The following CHST8 variants were observed in gnomAD, a reference collection of about 807,000 sequenced individuals.
CHST8 encodes carbohydrate sulfotransferase 8.
CHST8 carries 10 observed loss-of-function variants against 15.0 expected under a neutral mutation model. The observed-to-expected ratio is 0.67, with a 90% CI of 0.41 to 1.13. The LOEUF (loss-of-function observed/expected upper bound fraction) is 1.13. CHST8 is among the 50% of genes most tolerant of loss of function. The pLI, the probability that CHST8 is intolerant of heterozygous loss-of-function variation, is 0.00. For synonymous variants in CHST8, 259 were observed against 256.6 expected, an observed-to-expected ratio of 1.01 and a Z score of -0.09; for missense variants, 634 against 608.2, an observed-to-expected ratio of 1.04 and a Z score of -0.45.
chr19:33,741,359 C>T (rs1407728184), intron 3 of CHST8, among the ~76,000 whole-genome samples: 1 of 152,178 alleles, frequency 6.6e-6, no homozygotes, highest in Non-Finnish European at 1.5e-5. Context: ...TATATTATGA[C>T]AAAGAAGAGT....
chr19:33,625,399 C>G (rs977351434), intron 1 of CHST8, among the ~76,000 whole-genome samples: 4 of 151,920 alleles, frequency 2.6e-5, no homozygotes, highest in Non-Finnish European at 5.9e-5. Context: ...CTTTAGTGAG[C>G]AACCGTGGCA....
chr19:33,638,074 T>G (rs1972228679), intron 1 of CHST8, among the ~76,000 whole-genome samples: 1 of 152,096 alleles, frequency 6.6e-6, no homozygotes, highest in Non-Finnish European at 1.5e-5. Context: ...GGATCTTCCC[T>G]GCATAGCTCT....
intron 3 of CHST8, among the ~76,000 whole-genome samples, chr19:33,743,641 G>T (rs1156274701): frequency 6.6e-6 from 1 of 151,922 alleles, no homozygotes; most frequent in South Asian, 2.1e-4. Context: ...TTGAGTGTGG[G>T]CATTGCTTTC....
chr19:33,637,973 A>G (rs909279736), intron 1 of CHST8, among the ~76,000 whole-genome samples: 1 of 151,824 alleles, frequency 6.6e-6, no homozygotes, highest in Admixed American at 6.6e-5. Flanking sequence ...GCTGCCCTAA[A>G]AGGAAATAAA....
Position 33,772,255 on chromosome 19 carries a change from G to A in CHST8, c.467G>A (p.Arg156His). ...WVSLHRSQQE[R>H]KRVMQEACAK... ...AGCCTGCACCGGAGCCAGCAGGAGC[G>A]CAAGCGGGTGATGCAGGAGGCCTGC... The change falls in exon 5 of 5, where the codon CGC (arginine) becomes CAC (histidine). Residue 156 changes from arginine to histidine, a missense_variant. By Grantham distance (29) the Arg-to-His change is conservative. Coordinates refer to ENST00000650847, the MANE Select transcript of CHST8 (RefSeq NM_001127895.2). The A allele has an allele frequency of 6.3e-7, 1 of 1,599,416 alleles. No individual in the cohort carries two copies. The highest frequency in any genetic ancestry group is 1.1e-5 in the South Asian group (1 of 90,652).
At chr19:33,674,726 C>T (rs1009540568) in intron 2 of CHST8, among the ~76,000 whole-genome samples, 1 of 152,130 alleles carries the variant, frequency 6.6e-6, no homozygotes, top group Non-Finnish European at 1.5e-5. Context: ...AACCACAGGC[C>T]ACCCTCCCAC....
chr19:33,768,014 C>G (rs949760814), intron 3 of CHST8, among the ~76,000 whole-genome samples: 1 of 152,206 alleles, frequency 6.6e-6, no homozygotes, highest in Non-Finnish European at 1.5e-5. Context: ...TCCTCATCCT[C>G]GTGAGCCCTT....
intron 1 of CHST8, among the ~76,000 whole-genome samples, chr19:33,634,903 G>C (rs1343452650): frequency 6.6e-6 from 1 of 151,982 alleles, no homozygotes; most frequent in African/African-American, 2.4e-5. Context: ...CTCGCTGGGG[G>C]GTGTCCCATG....
At chr19:33,748,877 C>G (rs994373687) in intron 3 of CHST8, among the ~76,000 whole-genome samples, 7 of 152,146 alleles carry the variant, frequency 4.6e-5, no homozygotes, top group African/African-American at 1.7e-4. Flanking sequence ...AAGTGTGTGA[C>G]AGGCCTTGGA....
At chr19:33,757,544 GAA>G (rs1568358945) in intron 3 of CHST8, among the ~76,000 whole-genome samples, 1 of 105,296 alleles carries the variant, frequency 9.5e-6, no homozygotes, top group Admixed American at 9.4e-5. Context: ...AAGAAAGAAA[GAA>G]AGAAAGAAAG....
intron 1 of CHST8, among the ~76,000 whole-genome samples, chr19:33,649,546 G>C (rs1972406475): frequency 1.3e-5 from 2 of 152,178 alleles, no homozygotes; most frequent in Admixed American, 6.5e-5. Context: ...GCAAGTTACA[G>C]GAAGAACTAT....
chr19:33,763,033 T>C (rs943846766), intron 3 of CHST8, among the ~76,000 whole-genome samples: 6 of 152,126 alleles, frequency 3.9e-5, no homozygotes, highest in African/African-American at 1.4e-4. Flanking sequence ...CATGCCTGGC[T>C]AATTTTTGTA....
chr19:33,675,488 TTC>T, intron 2 of CHST8, among the ~76,000 whole-genome samples: 1 of 152,314 alleles, frequency 6.6e-6, no homozygotes, highest in Middle Eastern at 3.4e-3. Context: ...GAGCTGGGTT[TTC>T]TGTTTCTCGC....
At chr19:33,739,960 A>G (rs1429274188) in intron 3 of CHST8, among the ~76,000 whole-genome samples, 1 of 152,142 alleles carries the variant, frequency 6.6e-6, no homozygotes, top group Non-Finnish European at 1.5e-5. Context: ...GTCAGAGGAG[A>G]GCAGCTCTCA....
intron 3 of CHST8, among the ~76,000 whole-genome samples, chr19:33,762,386 A>T (rs777794203): frequency 4.6e-5 from 7 of 152,074 alleles, no homozygotes; most frequent in Non-Finnish European, 1.0e-4. Context: ...CTGATGCTCG[A>T]CTCTCTGACA....
chr19:33,683,213 G>A (rs1417330156), intron 2 of CHST8, among the ~76,000 whole-genome samples: 3 of 152,236 alleles, frequency 2.0e-5, no homozygotes, highest in Non-Finnish European at 4.4e-5. Flanking sequence ...ATGAGATTTG[G>A]AGGGGACACA....
chr19:33,697,005 G>T (rs1263856937), intron 3 of CHST8, among the ~76,000 whole-genome samples: 1 of 151,614 alleles, frequency 6.6e-6, no homozygotes, highest in African/African-American at 2.4e-5. Flanking sequence ...ACCATGCCTG[G>T]CTAAATTTTT....
chr19:33,763,358 G>T (rs1974773580), intron 3 of CHST8, among the ~76,000 whole-genome samples: 1 of 152,208 alleles, frequency 6.6e-6, no homozygotes, highest in South Asian at 2.1e-4. Flanking sequence ...AGCTGGAGGA[G>T]AGAGGCCAAT....
intron 1 of CHST8, among the ~76,000 whole-genome samples, chr19:33,626,728 C>T (rs1188758618): frequency 1.3e-5 from 2 of 151,868 alleles, no homozygotes; most frequent in Non-Finnish European, 2.9e-5. Context: ...ATGCAGGTGC[C>T]ATGCTTCTTG....
Sources: gnomAD v4.1 joint callset for allele counts (sites outside exome capture counted in the v4.1 genomes callset) on GRCh38, gnomAD v4.1.1 for gene constraint, MANE v1.5 for transcripts, NCBI Gene and HGNC (gene_info 2026-07-23, HGNC 2026-07-21) for gene names.